Variants in CCDC102B observed in about 807,000 individuals in gnomAD.
CCDC102B encodes the protein coiled-coil domain containing 102B, also known as coiled-coil domain-containing protein 102B.
CCDC102B carries 75 observed loss-of-function variants against 57.4 expected under a neutral mutation model. The observed-to-expected ratio is 1.31, with a 90% confidence interval of 1.08 to 1.58. The LOEUF is 1.58. CCDC102B is among the 40% of genes most tolerant of loss of function. The pLI is 0.00. For synonymous variants in CCDC102B, 206 were observed against 201.9 expected (o/e 1.02, Z -0.17); for missense variants, 636 against 582.6 (o/e 1.09, Z -0.94).
intron 2 of CCDC102B, chr18:68,717,890 G>A (rs1002377675): frequency 6.6e-6 from 1 of 152,098 alleles, no homozygotes; most frequent in Non-Finnish European, 1.5e-5. Context: ...ATTAAGAGGT[G>A]GGGCCATTTG....
At chr18:68,817,468 T>C (rs1321513828) in intron 1 of CCDC102B, among the ~76,000 whole-genome samples, 1 of 152,228 alleles carries the variant, frequency 6.6e-6, no homozygotes, top group East Asian at 1.9e-4. Flanking sequence ...AAAATAATTA[T>C]CTTGGTTCTG....
intron 2 of CCDC102B, among the ~76,000 whole-genome samples, chr18:68,741,667 TCACACACACACACACACACACACACACA>T (rs60407642): frequency 7.1e-6 from 1 of 140,286 alleles, no homozygotes. Context: ...TGAAGACTGG[TCACACACACACACACACACACACACACA>T]CACACACACA....
intron 6 of CCDC102B, among the ~76,000 whole-genome samples, chr18:68,899,227 G>A (rs1281341079): frequency 4.6e-5 from 7 of 151,938 alleles, no homozygotes; most frequent in Non-Finnish European, 1.0e-4. Context: ...AGTGCAACAG[G>A]AACTTCCCCA....
At chr18:68,852,990 AT>A (rs2038202183) in intron 4 of CCDC102B, among the ~76,000 whole-genome samples, 1 of 151,976 alleles carries the variant, frequency 6.6e-6, no homozygotes, top group Admixed American at 6.6e-5. Flanking sequence ...TTTTTGTGCA[AT>A]TTTCGTAAGA....
intron 2 of CCDC102B, 123 bp from the exon 3 acceptor site, chr18:68,838,583 G>T: frequency 5.5e-6 from 8 of 1,447,156 alleles, no homozygotes; most frequent in Non-Finnish European, 7.2e-6. Flanking sequence ...TTCAGGGAAT[G>T]ATAATGAAAT....
At chr18:68,818,938 C>T (rs970582045) in intron 1 of CCDC102B, among the ~76,000 whole-genome samples, 3 of 152,010 alleles carry the variant, frequency 2.0e-5, no homozygotes, top group Non-Finnish European at 4.4e-5. Flanking sequence ...AGTACATCTT[C>T]AAGTTTTTAG....
intron 6 of CCDC102B, among the ~76,000 whole-genome samples, chr18:68,973,229 A>T (rs2050346895): frequency 6.6e-6 from 1 of 152,128 alleles, no homozygotes; most frequent in African/African-American, 2.4e-5. Context: ...AGTGTTTTTC[A>T]TATAATGGCA....
intron 7 of CCDC102B, among the ~76,000 whole-genome samples, chr18:69,027,593 A>G (rs941160009): frequency 6.6e-6 from 1 of 152,142 alleles, no homozygotes; most frequent in Admixed American, 6.5e-5. Context: ...TTTGTTTAAA[A>G]TCTTGCTTAA....
At chr18:68,975,144 G>A (rs986112668) in intron 6 of CCDC102B, among the ~76,000 whole-genome samples, 1 of 151,928 alleles carries the variant, frequency 6.6e-6, no homozygotes, top group Non-Finnish European at 1.5e-5. Context: ...GGCAGTGTTG[G>A]CATCTACCTG....
At chr18:68,789,262 AT>A (rs1484863537) in intron 2 of CCDC102B, among the ~76,000 whole-genome samples, 2 of 151,650 alleles carry the variant, frequency 1.3e-5, no homozygotes, top group African/African-American at 4.9e-5. Flanking sequence ...TGCCCTTAAC[AT>A]TTTTTCCTTC....
intron 6 of CCDC102B, among the ~76,000 whole-genome samples, chr18:68,911,548 C>T (rs572799231): frequency 5.3e-5 from 8 of 150,484 alleles, no homozygotes; most frequent in East Asian, 2.0e-4. Flanking sequence ...GTCAGGAGAT[C>T]GAGACCATCC....
At chr18:68,811,195 A>T (rs764580912) in intron 1 of CCDC102B, among the ~76,000 whole-genome samples, 1 of 152,188 alleles carries the variant, frequency 6.6e-6, no homozygotes, top group Non-Finnish European at 1.5e-5. Context: ...ATGATTTATA[A>T]TCCTTTGGGT....
chr18:68,720,165 C>A (rs1478854917), intron 2 of CCDC102B, among the ~76,000 whole-genome samples: 3 of 152,126 alleles, frequency 2.0e-5, no homozygotes, highest in African/African-American at 7.2e-5. Context: ...GAAGGCAATT[C>A]TATGACATGT....
At chr18:68,940,414 T>C (rs1051730326) in intron 6 of CCDC102B, among the ~76,000 whole-genome samples, 2 of 151,896 alleles carry the variant, frequency 1.3e-5, no homozygotes, top group African/African-American at 4.8e-5. Flanking sequence ...ACTCCATCTT[T>C]ATGCACAGAC....
chr18:69,049,842 C>G (rs2052659876), intron 7 of CCDC102B, among the ~76,000 whole-genome samples: 1 of 151,764 alleles, frequency 6.6e-6, no homozygotes, highest in African/African-American at 2.4e-5. Flanking sequence ...CGGAGTCTCA[C>G]TATGTTGCCC....
intron 2 of CCDC102B, among the ~76,000 whole-genome samples, chr18:68,773,732 A>T (rs965601780): frequency 6.6e-6 from 1 of 152,000 alleles, no homozygotes; most frequent in Admixed American, 6.6e-5. Flanking sequence ...TAAAATCATT[A>T]TTTAATTTTA....
At chr18:68,952,926 CAT>C (rs1354266660) in intron 6 of CCDC102B, among the ~76,000 whole-genome samples, 5 of 152,052 alleles carry the variant, frequency 3.3e-5, no homozygotes, top group African/African-American at 7.2e-5. Context: ...ATACTACACA[CAT>C]GGGGGGTAGT....
Position 68,831,674 on chromosome 18 carries a change from G to A in CCDC102B, c.-15-5075G>A, listed in dbSNP as rs115337301. 4.1e-3 allele frequency among the ~76,000 whole-genome samples: 622 copies of A among 152,162 alleles called. 2 individuals are homozygous for A. The highest frequency in any genetic ancestry group is 0.014 in the African/African-American group (590 of 41,550). On this transcript the variant is annotated intron_variant, in intron 1 of 7. Transcript: ENST00000360242. ...GAGATGGAAGCTGTCTGTATAATTTGCTACAGCGTAAGGATTTTTAAAATA... is the reference window on the plus strand; with the variant it reads ...GAGATGGAAGCTGTCTGTATAATTTACTACAGCGTAAGGATTTTTAAAATA...
chr18:69,053,929 A>T, intron 7 of CCDC102B, 101 bp from the exon 8 acceptor site: 1 of 903,952 alleles, frequency 1.1e-6, no homozygotes, highest in Non-Finnish European at 1.7e-6. Flanking sequence ...CTATTCTCTT[A>T]GCAATTTTTA....
Sources: gnomAD v4.1 joint callset for allele counts (sites outside exome capture counted in the v4.1 genomes callset) on GRCh38, gnomAD v4.1.1 for gene constraint, MANE v1.5 for transcripts, NCBI Gene and HGNC (gene_info 2026-07-23, HGNC 2026-07-21) for gene names.